CHN2: variants seen among roughly 807,000 people sequenced by gnomAD.
CHN2 encodes beta-chimaerin.
In CHN2, 35 loss-of-function variants were observed where a neutral mutation model predicts 56.3. The ratio of observed to expected loss-of-function variants is 0.62; its 90% confidence interval spans 0.47 to 0.82. CHN2 has a LOEUF of 0.82. Ranked by LOEUF, CHN2 falls within the 40% of genes least tolerant of loss-of-function variation. The pLI, the probability that CHN2 is intolerant of heterozygous loss-of-function variation, is 0.00. For missense variants in CHN2, 491 were observed against 580.5 expected, an observed-to-expected ratio of 0.85 and a Z score of 1.58; for synonymous variants, 210 against 212.8, an observed-to-expected ratio of 0.99 and a Z score of 0.12.
At chr7:29,452,534 G>A (rs186306153) in intron 6 of CHN2, among the ~76,000 whole-genome samples, 18 of 152,302 alleles carry the variant, frequency 1.2e-4, no homozygotes, top group East Asian at 1.9e-4. Flanking sequence ...TTGCCTCTGC[G>A]TGCCTCTGTG....
chr7:29,500,550 C>A (rs1050686112), intron 9 of CHN2, among the ~76,000 whole-genome samples: 1 of 152,142 alleles, frequency 6.6e-6, no homozygotes, highest in African/African-American at 2.4e-5. Flanking sequence ...GAAATTCATA[C>A]TTTAGAGTGG....
At chr7:29,298,334 C>T (rs1034179111) in intron 1 of CHN2, among the ~76,000 whole-genome samples, 1 of 152,120 alleles carries the variant, frequency 6.6e-6, no homozygotes, top group Non-Finnish European at 1.5e-5. Flanking sequence ...CCCCGTCCCC[C>T]CTCCCCCGCG....
At chr7:29,352,589 G>A (rs1265198397) in intron 1 of CHN2, among the ~76,000 whole-genome samples, 1 of 152,020 alleles carries the variant, frequency 6.6e-6, no homozygotes, top group Non-Finnish European at 1.5e-5. Context: ...TGGGTGTGGT[G>A]GCACACGCCT....
intron 7 of CHN2, among the ~76,000 whole-genome samples, chr7:29,480,886 C>T (rs1787132794): frequency 6.8e-6 from 1 of 146,610 alleles, no homozygotes; most frequent in African/African-American, 2.5e-5. Flanking sequence ...CCGGGTACGG[C>T]TAGCAGGGGG....
intron 6 of CHN2, among the ~76,000 whole-genome samples, chr7:29,405,164 T>TAC (rs57823678): frequency 0.052 from 5,494 of 104,956 alleles, 504 homozygotes; most frequent in Non-Finnish European, 0.069. Context: ...TATGTCACCA[T>TAC]ACACACACAC....
chr7:29,504,821 G>C lies in CHN2; in HGVS notation c.991G>C (p.Asp331His). The stretch of plus-strand genomic sequence containing the variant: ...AGATGTCAAAATGGCATTTGACAGA[G>C]GTAAGCTTGTACTTTCTTGAATGCC... ...IEDVKMAFDR[D>H]GEKADISANV... The change falls in exon 10 of 13, where the codon GAT (aspartate) becomes CAT (histidine). Residue 331 changes from aspartate (D) to histidine (H), a missense_variant and splice_region_variant. Coordinates refer to ENST00000222792, the MANE Select transcript of CHN2 (RefSeq NM_004067.4). 1 of 1,609,884 alleles carries C rather than the reference G, an allele frequency of 6.2e-7. No individual in the cohort carries two copies. The highest frequency in any genetic ancestry group is 2.2e-5 in the East Asian group (1 of 44,838).
chr7:29,491,030 C>T (rs955164306), intron 7 of CHN2, among the ~76,000 whole-genome samples: 8 of 152,024 alleles, frequency 5.3e-5, no homozygotes, highest in African/African-American at 9.7e-5. Context: ...CTTTCAATTT[C>T]GCTTTATATT....
chr7:29,323,304 C>T (rs1235163199), intron 1 of CHN2, among the ~76,000 whole-genome samples: 1 of 152,182 alleles, frequency 6.6e-6, no homozygotes, highest in East Asian at 1.9e-4. Context: ...ACATTGCTCA[C>T]TCAACTTTCT....
chr7:29,359,417 G>C (rs1405810912), intron 2 of CHN2, among the ~76,000 whole-genome samples: 2 of 152,072 alleles, frequency 1.3e-5, no homozygotes, highest in Non-Finnish European at 2.9e-5. Context: ...TGCATATTAA[G>C]TCTCTGCCTT....
intron 1 of CHN2, among the ~76,000 whole-genome samples, chr7:29,263,303 T>A (rs1789730743): frequency 6.6e-6 from 1 of 152,246 alleles, no homozygotes; most frequent in South Asian, 2.1e-4. Flanking sequence ...GTGCCGGGAT[T>A]GCAGACGGAG....
chr7:29,473,476 T>TG (rs1232651713), intron 6 of CHN2, among the ~76,000 whole-genome samples: 2 of 111,728 alleles, frequency 1.8e-5, no homozygotes, highest in African/African-American at 3.5e-5. Context: ...TTGTGTTTTT[T>TG]TTTTTTTGTG....
intron 1 of CHN2, among the ~76,000 whole-genome samples, chr7:29,221,518 A>G (rs996073032): frequency 1.3e-5 from 2 of 152,110 alleles, no homozygotes; most frequent in Admixed American, 6.5e-5. Flanking sequence ...GGTTTGTTAC[A>G]TAGGTAAACA....
chr7:29,509,302 AATC>A lies in CHN2; in HGVS notation c.1132_1134del (p.Ile378del). 6.2e-7 allele frequency: 1 copy of A among 1,612,882 alleles called. No homozygotes were observed. Among genetic ancestry groups the A allele is most frequent in the Non-Finnish European group, 8.5e-7 (1 of 1,178,896 alleles). On this transcript the variant is annotated inframe_deletion and splice_region_variant, in exon 12 of 13. Coordinates refer to ENST00000222792, the MANE Select transcript of CHN2 (RefSeq NM_004067.4). ...ACCCATCATGCGTGAACTTCACAGAAATCTCCAATGCAGATGAGAGGCTGGAAG... is the reference window on the plus strand; with the variant it reads ...ACCCATCATGCGTGAACTTCACAGAATCCAATGCAGATGAGAGGCTGGAAG...
intron 1 of CHN2, among the ~76,000 whole-genome samples, chr7:29,255,955 G>T (rs986571689): frequency 1.3e-5 from 2 of 152,142 alleles, no homozygotes; most frequent in East Asian, 1.9e-4. Flanking sequence ...CCTCTTACTG[G>T]AATGCTCTTC....
At chr7:29,172,466 CA>C (rs1054395415) in intron 2 of CHN2, among the ~76,000 whole-genome samples, 11 of 151,916 alleles carry the variant, frequency 7.2e-5, no homozygotes, top group African/African-American at 2.2e-4. Context: ...ATTTATCATC[CA>C]AAAAAAATTA....
At chr7:29,343,970 C>T (rs563169347) in intron 1 of CHN2, among the ~76,000 whole-genome samples, 1 of 152,370 alleles carries the variant, frequency 6.6e-6, no homozygotes, top group African/African-American at 2.4e-5. Context: ...TGCTTCTCCC[C>T]TGGTCTGCCC....
At chr7:29,387,320 A>T (rs1252001879) in intron 3 of CHN2, among the ~76,000 whole-genome samples, 2 of 152,232 alleles carry the variant, frequency 1.3e-5, no homozygotes, top group Non-Finnish European at 2.9e-5. Context: ...TGAGATGCAA[A>T]GGAGTGTAAT....
At position 29,339,122 on chromosome 7, in the gene CHN2, G is replaced by A. The variant is rs142495656; in HGVS notation, c.50-15503G>A. ...GTAGACTTGAAATGATGTTAATCAG[G>A]GATAGTTTTGGACCTTTGTAGTGGT... On this transcript the variant is annotated intron_variant, in intron 1 of 12. Transcript: ENST00000222792. Among the ~76,000 whole-genome samples, 4 of 152,100 alleles carry A rather than the reference G, an allele frequency of 2.6e-5. No individual in the cohort carries two copies. In the East Asian group the frequency reaches 5.8e-4, roughly 22 times the overall value.
At chr7:29,472,032 A>G (rs1786094999) in intron 6 of CHN2, among the ~76,000 whole-genome samples, 1 of 152,196 alleles carries the variant, frequency 6.6e-6, no homozygotes, top group South Asian at 2.1e-4. Context: ...ATTTGGCAGT[A>G]TGCAAGAGGG....
Sources: allele counts gnomAD v4.1 joint callset (sites outside exome capture counted in the v4.1 genomes callset), GRCh38; gene constraint gnomAD v4.1.1; transcripts MANE v1.5; gene names NCBI Gene and HGNC (gene_info 2026-07-23, HGNC 2026-07-21).